The following STARD8 variants were observed in gnomAD, a reference collection of about 807,000 sequenced individuals.
The protein encoded by STARD8 is stAR-related lipid transfer protein 8.
A neutral mutation model predicts 69.4 loss-of-function variants in STARD8; 25 were observed. That is an observed-to-expected ratio of 0.36 (90% CI 0.26 to 0.50). The LOEUF (loss-of-function observed/expected upper bound fraction) is 0.50, where lower values mean the gene tolerates loss of function less well. Among genes scored for constraint, STARD8 ranks in the 20% least tolerant of loss-of-function variants. The pLI is 0.96. For missense variants in STARD8, 921 were observed against 932.5 expected (o/e 0.99, Z 0.16); for synonymous variants, 389 against 374.6 (o/e 1.04, Z -0.45).
At chrX:68,673,285 T>C (rs777704817) in intron 2 of STARD8, among the ~76,000 whole-genome samples, 7 of 112,233 alleles carry the variant, frequency 6.2e-5, no homozygotes, top group African/African-American at 1.6e-4. Context: ...AGTAATTAAT[T>C]ACACAATGCA....
At chrX:68,694,160 G>T (rs1017730625) in intron 2 of STARD8, among the ~76,000 whole-genome samples, 1 of 113,178 alleles carries the variant, frequency 8.8e-6, no homozygotes, top group Non-Finnish European at 1.9e-5. Flanking sequence ...TTGGAGGGGC[G>T]TTGCAGCTGG....
At chrX:68,683,480 A>G (rs969526527) in intron 2 of STARD8, among the ~76,000 whole-genome samples, 1 of 112,185 alleles carries the variant, frequency 8.9e-6, no homozygotes, top group Non-Finnish European at 1.9e-5. Context: ...CTAAGGGCCT[A>G]TCTTTTACTG....
intron 7 of STARD8, among the ~76,000 whole-genome samples, chrX:68,719,819 G>A (rs1319076960): frequency 1.8e-5 from 2 of 111,828 alleles, no homozygotes; most frequent in East Asian, 2.8e-4. Flanking sequence ...TTCCGTGAAC[G>A]TGCTATGATC....
At chrX:68,653,736 C>T (rs756359495) in intron 1 of STARD8, among the ~76,000 whole-genome samples, 368 of 97,634 alleles carry the variant, frequency 3.8e-3, no homozygotes, top group Non-Finnish European at 6.9e-3. Flanking sequence ...CACACACACA[C>T]CACACGCCAC....
chrX:68,717,797 G>T lies in STARD8; in HGVS notation c.883G>T (p.Gly295Cys). Reference protein sequence around the residue: ...SFRHPQWTHRGDCLVHVPGDH... With the variant: ...SFRHPQWTHRCDCLVHVPGDH... ...CCGGCATCCTCAGTGGACACACCGGGGTGATTGCCTGGTGCACGTTCCTGG... is the reference window on the plus strand; with the variant it reads ...CCGGCATCCTCAGTGGACACACCGGTGTGATTGCCTGGTGCACGTTCCTGG... Residue 295 changes from glycine to cysteine, a missense_variant, in exon 6 of 15, where the codon GGT becomes TGT. By Grantham distance (159) the Gly-to-Cys change is radical. Transcript: ENST00000374599. 8.3e-7 allele frequency: 1 copy of T among 1,211,763 alleles called. No homozygotes were observed. The highest frequency in any genetic ancestry group is 3.0e-5 in the East Asian group (1 of 33,804).
At chrX:68,652,770 A>T (rs2079556851) in intron 1 of STARD8, among the ~76,000 whole-genome samples, 1 of 71,086 alleles carries the variant, frequency 1.4e-5, no homozygotes, top group African/African-American at 5.5e-5. Context: ...CCCCACACAC[A>T]CACCCCACAC....
intron 2 of STARD8, among the ~76,000 whole-genome samples, chrX:68,705,153 C>T (rs2079995887): frequency 8.9e-6 from 1 of 112,557 alleles, no homozygotes. Context: ...GCAGGAGCCC[C>T]TTGGGGGCAA....
intron 1 of STARD8, among the ~76,000 whole-genome samples, chrX:68,662,256 G>A (rs183804174): frequency 2.3e-3 from 252 of 110,462 alleles, no homozygotes; most frequent in African/African-American, 8.0e-3. Context: ...GGATCCACCC[G>A]CCTTGGACTC....
intron 2 of STARD8, among the ~76,000 whole-genome samples, chrX:68,688,509 A>AG (rs1176035319): frequency 0.039 from 4,221 of 107,851 alleles, 191 homozygotes; most frequent in African/African-American, 0.094. Context: ...GGAACCTGTG[A>AG]ATGGGAAGGA....
chrX:68,721,915 C>T, intron 10 of STARD8, 132 bp from the exon 11 acceptor site: 1 of 794,722 alleles, frequency 1.3e-6, no homozygotes, highest in Non-Finnish European at 1.8e-6. Context: ...GCAGGGCCTT[C>T]CAAAAGGCAG....
At chrX:68,671,418 A>T (rs1019058866) in intron 2 of STARD8, among the ~76,000 whole-genome samples, 2 of 112,674 alleles carry the variant, frequency 1.8e-5, no homozygotes, top group African/African-American at 6.5e-5. Context: ...TCTCTCCCAT[A>T]GACCATGAGC....
Position 68,647,942 on chromosome X carries a change from A to G in STARD8, c.45+15A>G. 1 of 1,195,059 alleles carries G rather than the reference A, an allele frequency of 8.4e-7. No homozygotes were observed. The highest frequency in any genetic ancestry group is 1.1e-6 in the Non-Finnish European group (1 of 887,122). The stretch of plus-strand genomic sequence containing the variant: ...GGAAGGTGAAGGTAAGTGACTGGCC[A>G]GCCCCAGCCCATCCCGCTGCTCAGG... On this transcript the variant is annotated intron_variant, in intron 1 of 14. Transcript: ENST00000374599.
intron 2 of STARD8, among the ~76,000 whole-genome samples, chrX:68,666,151 C>T (rs192771434): frequency 3.8e-4 from 42 of 111,916 alleles, no homozygotes; most frequent in African/African-American, 1.4e-3. Flanking sequence ...CAACTACCTT[C>T]CATTGAGAAG....
intron 2 of STARD8, among the ~76,000 whole-genome samples, chrX:68,701,390 A>G (rs1415181969): frequency 8.9e-6 from 1 of 112,603 alleles, no homozygotes; most frequent in Non-Finnish European, 1.9e-5. Context: ...TGACATCTTT[A>G]ATGACTGGGC....
chrX:68,717,720 G>A lies in STARD8; in HGVS notation c.806G>A (p.Gly269Asp). The A allele has an allele frequency of 1.6e-6, 2 of 1,212,314 alleles. No homozygotes were observed. Among genetic ancestry groups the A allele is most frequent in the Non-Finnish European group, 1.1e-6 (1 of 895,648 alleles). ...AACTGGGCCGCCACCTCAGCCGGTGGCAGTGGTGCCAATACTCGGAAGGCC... is the reference window on the plus strand; with the variant it reads ...AACTGGGCCGCCACCTCAGCCGGTGACAGTGGTGCCAATACTCGGAAGGCC... ...AKNWAATSAG[G>D]SGANTRKAWE... Residue 269 changes from glycine (G) to aspartate (D), a missense_variant, in exon 6 of 15, where the codon GGC becomes GAC. Gly to Asp is a moderately conservative substitution (Grantham distance 94). Transcript: ENST00000374599.
In STARD8 at chrX:68,724,347, G is replaced by C. The variant is rs140967784; in HGVS notation, c.3237G>C (p.Leu1079=). 5.4e-4 allele frequency: 656 copies of C among 1,207,921 alleles called. 2 individuals are homozygous for C. Among genetic ancestry groups the C allele is most frequent in the Admixed American group, 1.2e-3 (54 of 45,734 alleles). Residue 1079 remains leucine (L), a synonymous_variant, in exon 15 of 15, where the codon CTG becomes CTC. Coordinates refer to ENST00000374599, the MANE Select transcript of STARD8 (RefSeq NM_001142503.3). The stretch of plus-strand genomic sequence containing the variant: ...GGTACAACAAAGTCTTTGGACACCT[G>C]TGTGCCATGGAAGTGGCAAAGATCC... ...PDWYNKVFGH[L]CAMEVAKIRD...
chrX:68,661,945 C>CCTCT (rs748990661), intron 1 of STARD8, among the ~76,000 whole-genome samples: 79 of 72,327 alleles, frequency 1.1e-3, no homozygotes, highest in South Asian at 2.7e-3. Context: ...CTCCCTCCTT[C>CCTCT]CTCTCTCTCT....
Position 68,723,643 on chromosome X carries a change from C to T in STARD8, c.2817C>T (p.Pro939=), listed in dbSNP as rs1370082426. The T allele has an allele frequency of 5.0e-6, 6 of 1,197,340 alleles. No individual in the cohort carries two copies. The highest frequency in any genetic ancestry group is 5.6e-6 in the Non-Finnish European group (5 of 888,839). Residue 939 remains proline (P), a synonymous_variant, in exon 13 of 15, where the codon CCC becomes CCT. Transcript: ENST00000374599. ...GCTCACAGGCACCGGATGGGCACCC[C>T]CTGCGGCTATGGAAGGCATCCACAG... The part of the protein sequence containing the change: ...LACRKAPDGH[P]LRLWKASTEV...
intron 2 of STARD8, among the ~76,000 whole-genome samples, chrX:68,700,951 G>T (rs1180343375): frequency 9.0e-6 from 1 of 111,705 alleles, no homozygotes; most frequent in East Asian, 2.8e-4. Context: ...TAAAATTATT[G>T]CCATTATTGT....
Sources: gnomAD v4.1 joint callset for allele counts (sites outside exome capture counted in the v4.1 genomes callset) on GRCh38, gnomAD v4.1.1 for gene constraint, MANE v1.5 for transcripts, NCBI Gene and HGNC (gene_info 2026-07-23, HGNC 2026-07-21) for gene names.